MYOF: variants seen among roughly 807,000 people sequenced by gnomAD.
The protein encoded by MYOF is myoferlin, also known as fer-1-like 3, myoferlin.
In MYOF, 244 loss-of-function variants were observed where a neutral mutation model predicts 284.2. The observed-to-expected ratio is 0.86, with a 90% CI of 0.77 to 0.95. The LOEUF is 0.95. Among genes scored for constraint, MYOF ranks in the 40% least tolerant of loss-of-function variants. The pLI is 0.00. For synonymous variants in MYOF, 904 were observed against 919.7 expected, an observed-to-expected ratio of 0.98 and a Z score of 0.31; for missense variants, 2,496 against 2,560.6, an observed-to-expected ratio of 0.97 and a Z score of 0.54.
chr10:93,335,815 G>A, intron 41 of MYOF, 106 bp downstream of exon 41: 1 of 1,367,822 alleles, frequency 7.3e-7, no homozygotes. Flanking sequence ...GCATCCCTCA[G>A]AGGCTGCAGG....
rs199516954 is a variant in MYOF at position 93,328,729 on chromosome 10, T to C, written c.5131+34A>G. The stretch of plus-strand genomic sequence containing the variant: ...GCAATATATATGGGTTACTATACTT[T>C]GTACCAGTTTACAATCCACAGCTAG... On this transcript the variant is annotated intron_variant, in intron 45 of 53. Coordinates refer to ENST00000359263, the MANE Select transcript of MYOF (RefSeq NM_013451.4). 5.0e-6 allele frequency: 8 copies of C among 1,593,946 alleles called. No individual in the cohort carries two copies. The East Asian group carries it at 1.8e-4, about 36-fold the overall frequency.
At chr10:93,465,977 G>T (rs1282972150) in intron 1 of MYOF, among the ~76,000 whole-genome samples, 1 of 152,172 alleles carries the variant, frequency 6.6e-6, no homozygotes. Context: ...TCCATTCCAG[G>T]CTTCTGAGTT....
Position 93,426,043 on chromosome 10 carries a change from G to A in MYOF, c.433+28C>T, listed in dbSNP as rs1316864952. 3.9e-6 allele frequency: 6 copies of A among 1,546,710 alleles called. No homozygotes were observed. In the East Asian group the frequency reaches 1.5e-4, roughly 38 times the overall value. On this transcript the variant is annotated intron_variant, in intron 5 of 53. Coordinates refer to ENST00000359263, the MANE Select transcript of MYOF (RefSeq NM_013451.4). Reference sequence around the variant, plus strand: ...TCTTTAGCAGCCTCCCCCTGGGGGTGGCTGGGCCTTCAGAAGGGTCAGCTT... The same window carrying A: ...TCTTTAGCAGCCTCCCCCTGGGGGTAGCTGGGCCTTCAGAAGGGTCAGCTT...
intron 20 of MYOF, 103 bp downstream of exon 20, chr10:93,381,116 A>G (rs1356771831): frequency 1.6e-6 from 2 of 1,251,344 alleles, no homozygotes; most frequent in African/African-American, 1.5e-5. Context: ...CACTAACCAT[A>G]GGCTGCGTAG....
intron 13 of MYOF, among the ~76,000 whole-genome samples, chr10:93,398,059 G>A (rs1480903370): frequency 6.6e-6 from 1 of 152,088 alleles, no homozygotes; most frequent in East Asian, 1.9e-4. Context: ...ATCTTCAGGG[G>A]GCCCTCAAAG....
chr10:93,387,890 G>C lies in MYOF; in HGVS notation c.1605C>G (p.Gly535=). The C allele has an allele frequency of 6.2e-7, 1 of 1,613,984 alleles. No individual in the cohort carries two copies. The highest frequency in any genetic ancestry group is 8.5e-7 in the Non-Finnish European group (1 of 1,179,924). ...AAGTGGCTAATTCAACCAAGATCCT[G>C]CCTCTGTAGGCAACTCCTTCCCCCT... ...TGKGEGVAYR[G]RILVELATFL... is the part of the protein sequence containing the mutation. Residue 535 remains glycine (G), a synonymous_variant, in exon 19 of 54, where the codon GGC becomes GGG. Transcript: ENST00000359263.
chr10:93,453,548 C>T lies in MYOF; in HGVS notation c.145-1407G>A, dbSNP rs571488569. On this transcript the variant is annotated intron_variant, in intron 2 of 53. Transcript: ENST00000359263. Reference sequence around the variant, plus strand: ...TCCTGACCTCATGTGATCTACCCGTCTTGGCCTCCCAAAGTGCTGGGATTA... The same window carrying T: ...TCCTGACCTCATGTGATCTACCCGTTTTGGCCTCCCAAAGTGCTGGGATTA... Among the ~76,000 whole-genome samples the T allele has an allele frequency of 3.5e-3, 533 of 152,312 alleles. 15 individuals carry two copies. Among genetic ancestry groups the T allele is most frequent in the East Asian group, 1.7e-3 (9 of 5,148 alleles).
chr10:93,361,370 C>T (rs931601388), intron 28 of MYOF, 82 bp downstream of exon 28: 2 of 1,352,330 alleles, frequency 1.5e-6, no homozygotes, highest in Non-Finnish European at 2.1e-6. Flanking sequence ...AAGTGAGGCC[C>T]CTCCCTCCCA....
chr10:93,310,491 C>T (rs769008326), intron 52 of MYOF, 43 bp downstream of exon 52: 26 of 1,586,956 alleles, frequency 1.6e-5, no homozygotes, highest in Non-Finnish European at 2.2e-5. Flanking sequence ...GGCTCTCAGC[C>T]TGCAGGTGTT....
In MYOF at chr10:93,411,019, G is replaced by A. The variant is rs556622424; in HGVS notation, c.434-1280C>T. On this transcript the variant is annotated intron_variant, in intron 5 of 53. Coordinates refer to ENST00000359263, the MANE Select transcript of MYOF (RefSeq NM_013451.4). The stretch of plus-strand genomic sequence containing the variant: ...AAGCTTCAGTTTCTTCATTTGTAAA[G>A]AGGGGAAAATAATAGTATTTACCAC... Among the ~76,000 whole-genome samples, 7 of 152,324 alleles carry A rather than the reference G, an allele frequency of 4.6e-5. No individual in the cohort carries two copies. In the South Asian group the frequency reaches 1.4e-3, roughly 32 times the overall value.
At chr10:93,418,625 C>T (rs372768827) in intron 5 of MYOF, among the ~76,000 whole-genome samples, 7 of 152,184 alleles carry the variant, frequency 4.6e-5, no homozygotes, top group African/African-American at 1.7e-4. Flanking sequence ...GACAACATCA[C>T]GTTCAGCAGG....
intron 3 of MYOF, among the ~76,000 whole-genome samples, chr10:93,438,897 C>CT (rs1258642182): frequency 1.3e-5 from 2 of 152,174 alleles, no homozygotes; most frequent in East Asian, 3.9e-4. Flanking sequence ...CCGCTCCTGA[C>CT]TCCAGGCCAG....
intron 38 of MYOF, 92 bp from the exon 39 acceptor site, chr10:93,340,256 A>G: frequency 2.2e-6 from 3 of 1,333,642 alleles, no homozygotes; most frequent in Non-Finnish European, 3.2e-6. Context: ...TTTAAAGAGA[A>G]AGAAGCAAAA....
intron 45 of MYOF, among the ~76,000 whole-genome samples, chr10:93,326,627 G>GT (rs1293137471): frequency 6.6e-6 from 1 of 152,080 alleles, no homozygotes; most frequent in African/African-American, 2.4e-5. Flanking sequence ...GGTATTCTGG[G>GT]TTTTTTGTAT....
chr10:93,394,978 C>T (rs1846928294), intron 16 of MYOF, among the ~76,000 whole-genome samples: 1 of 151,322 alleles, frequency 6.6e-6, no homozygotes, highest in African/African-American at 2.4e-5. Context: ...CTTGAATTAA[C>T]AATGTTTTTT....
Position 93,465,538 on chromosome 10 carries a change from C to CTTTT in MYOF, c.89-8605_89-8602dup, listed in dbSNP as rs71031511. On this transcript the variant is annotated intron_variant, in intron 1 of 53. Transcript: ENST00000359263. ...CTTTTTTCTTTCTTTTTTTTCTTTT[C>CTTTT]TTTTTTTTTTTTTTTGAGATGACTG... is the stretch of plus-strand genomic sequence containing the variant. Among the ~76,000 whole-genome samples, 6 of 112,150 alleles carry CTTTT rather than the reference C, an allele frequency of 5.3e-5. 2 individuals are homozygous for CTTTT. Among genetic ancestry groups the CTTTT allele is most frequent in the Non-Finnish European group, 8.7e-5 (5 of 57,322 alleles). The allele number at this position is 112,150 out of a possible 152,430, so 73.6% of individuals were successfully genotyped here.
At chr10:93,433,933 A>G (rs1848984562) in intron 3 of MYOF, among the ~76,000 whole-genome samples, 1 of 152,180 alleles carries the variant, frequency 6.6e-6, no homozygotes, top group South Asian at 2.1e-4. Flanking sequence ...ACTTGGCAAT[A>G]TTAATAAGTG....
chr10:93,408,424 C>T (rs562108869), intron 7 of MYOF, among the ~76,000 whole-genome samples: 6 of 151,572 alleles, frequency 4.0e-5, no homozygotes, highest in South Asian at 2.1e-4. Context: ...GTAATCCCAG[C>T]GACTTGGGAG....
chr10:93,344,031 A>G (rs933655991), intron 37 of MYOF, 99 bp from the exon 38 acceptor site: 6 of 1,295,182 alleles, frequency 4.6e-6, no homozygotes, highest in South Asian at 2.5e-5. Context: ...GGTGGATGGT[A>G]GAGTTTATTC....
Sources: allele counts gnomAD v4.1 joint callset (sites outside exome capture counted in the v4.1 genomes callset), GRCh38; gene constraint gnomAD v4.1.1; transcripts MANE v1.5; gene names NCBI Gene and HGNC (gene_info 2026-07-23, HGNC 2026-07-21).